Variants in SSH2 observed in about 807,000 individuals in gnomAD.
The protein encoded by SSH2 is slingshot protein phosphatase 2, also known as protein phosphatase Slingshot homolog 2.
SSH2 carries 37 observed loss-of-function variants against 135.2 expected under a neutral mutation model. The ratio of observed to expected loss-of-function variants is 0.27; its 90% CI spans 0.21 to 0.36. SSH2 has a LOEUF of 0.36. SSH2 is among the 10% of genes least tolerant of loss of function. The probability of loss-of-function intolerance (pLI) is 1.00; values close to 1 mark genes in which losing one functional copy is unlikely to be tolerated. For missense variants in SSH2, 1,408 were observed against 1,765.3 expected (o/e 0.80, Z 3.63); for synonymous variants, 628 against 646.2 (o/e 0.97, Z 0.43).
At chr17:29,801,671 CT>C (rs2042252489) in intron 2 of SSH2, among the ~76,000 whole-genome samples, 1 of 152,212 alleles carries the variant, frequency 6.6e-6, no homozygotes, top group Non-Finnish European at 1.5e-5. Flanking sequence ...CTTGTTTTAT[CT>C]CCCATCATCA....
At chr17:29,903,434 CTG>C (rs1226801917) in intron 1 of SSH2, among the ~76,000 whole-genome samples, 1 of 150,474 alleles carries the variant, frequency 6.6e-6, no homozygotes, top group Non-Finnish European at 1.5e-5. Context: ...TGCTTGGAAA[CTG>C]TGTTTAAGCC....
chr17:29,784,026 A>C (rs1242962302), intron 3 of SSH2, among the ~76,000 whole-genome samples: 2 of 112,080 alleles, frequency 1.8e-5, no homozygotes, highest in African/African-American at 7.0e-5. Context: ...AGATCCCGCC[A>C]CTGCACTCCA....
chr17:29,743,808 C>T (rs2040652419), intron 3 of SSH2, among the ~76,000 whole-genome samples: 1 of 151,038 alleles, frequency 6.6e-6, no homozygotes, highest in Non-Finnish European at 1.5e-5. Context: ...GTTAGAATCA[C>T]TAAATGTTAT....
At chr17:29,679,812 T>A in intron 6 of SSH2, among the ~76,000 whole-genome samples, 1 of 152,220 alleles carries the variant, frequency 6.6e-6, no homozygotes, top group East Asian at 1.9e-4. Context: ...GAAGATTAAA[T>A]AACAAATAAA....
At position 29,632,645 on chromosome 17, in the gene SSH2, C is replaced by T; in HGVS notation, c.2549G>A (p.Cys850Tyr). The T allele has an allele frequency of 1.9e-6, 3 of 1,614,178 alleles. No individual in the cohort carries two copies. The South Asian group carries it at 3.3e-5, about 18-fold the overall frequency. Reference sequence around the variant, plus strand: ...TGTGGTTAGGCAGCCTTCTGGGTTGCACATCCCTGAGTCTTTGGCTAGTTC... The same window carrying T: ...TGTGGTTAGGCAGCCTTCTGGGTTGTACATCCCTGAGTCTTTGGCTAGTTC... The part of the protein sequence containing the change: ...QPELAKDSGM[C>Y]NPEGCLTTHS... Residue 850 changes from cysteine to tyrosine, a missense_variant, in exon 16 of 16, where the codon TGC (cysteine) becomes TAC (tyrosine). Transcript: ENST00000540801.
intron 1 of SSH2, among the ~76,000 whole-genome samples, chr17:29,909,041 C>T (rs1435347304): frequency 6.6e-6 from 1 of 151,922 alleles, no homozygotes; most frequent in Non-Finnish European, 1.5e-5. Context: ...CGTGCCACTG[C>T]ACTCCAGCCT....
chr17:29,913,358 A>T (rs1429080412), intron 1 of SSH2, among the ~76,000 whole-genome samples: 11 of 80,250 alleles, frequency 1.4e-4, no homozygotes, highest in African/African-American at 3.5e-4. Flanking sequence ...ATATATATAT[A>T]TATATATATA....
intron 3 of SSH2, among the ~76,000 whole-genome samples, chr17:29,712,670 G>C (rs1227767292): frequency 6.6e-6 from 1 of 152,170 alleles, no homozygotes; most frequent in Non-Finnish European, 1.5e-5. Context: ...CGGGCATGGT[G>C]GCATGTGCCT....
chr17:29,705,217 A>G (rs1399206430), intron 3 of SSH2, among the ~76,000 whole-genome samples: 2 of 152,072 alleles, frequency 1.3e-5, no homozygotes, highest in Non-Finnish European at 2.9e-5. Flanking sequence ...TATCCCTATC[A>G]CCACTATCAC....
chr17:29,787,295 T>G (rs1359486744), intron 3 of SSH2, among the ~76,000 whole-genome samples: 4 of 152,246 alleles, frequency 2.6e-5, no homozygotes, highest in Non-Finnish European at 4.4e-5. Context: ...CGTTGTGGCA[T>G]GTCAGAACTT....
At chr17:29,861,012 T>C (rs1164925282) in intron 1 of SSH2, among the ~76,000 whole-genome samples, 2 of 152,164 alleles carry the variant, frequency 1.3e-5, no homozygotes, top group African/African-American at 4.8e-5. Context: ...CCCAAAGTAC[T>C]GGGATTACAG....
chr17:29,880,881 T>G (rs1228452137), intron 1 of SSH2, among the ~76,000 whole-genome samples: 2 of 152,212 alleles, frequency 1.3e-5, no homozygotes, highest in Admixed American at 6.5e-5. Context: ...ACAAAGCCAA[T>G]TAGGGCTAGA....
chr17:29,865,045 CT>C (rs1390539634), intron 1 of SSH2, among the ~76,000 whole-genome samples: 1 of 152,204 alleles, frequency 6.6e-6, no homozygotes, highest in Admixed American at 6.5e-5. Context: ...CATATCACTC[CT>C]ATGAAAACAG....
intron 3 of SSH2, among the ~76,000 whole-genome samples, chr17:29,722,516 A>G (rs897967527): frequency 2.6e-5 from 4 of 152,188 alleles, no homozygotes; most frequent in African/African-American, 9.6e-5. Flanking sequence ...CCAGGAGAAA[A>G]ACAGGGAAGT....
chr17:29,773,469 C>T (rs887511718), intron 3 of SSH2, among the ~76,000 whole-genome samples: 2 of 152,092 alleles, frequency 1.3e-5, no homozygotes, highest in African/African-American at 4.8e-5. Flanking sequence ...GAATAGATGG[C>T]AAACATTTTG....
chr17:29,698,652 C>T (rs1042466259), intron 4 of SSH2, among the ~76,000 whole-genome samples: 2 of 151,858 alleles, frequency 1.3e-5, no homozygotes, highest in Non-Finnish European at 2.9e-5. Context: ...TGCACCACAA[C>T]GCCTAGCTAA....
intron 3 of SSH2, among the ~76,000 whole-genome samples, chr17:29,761,983 C>T (rs957308937): frequency 2.0e-5 from 3 of 151,628 alleles, no homozygotes; most frequent in African/African-American, 7.3e-5. Context: ...CAGGTTCAAG[C>T]GATTCTCCAG....
At chr17:29,684,226 A>C (rs2038108151) in intron 6 of SSH2, among the ~76,000 whole-genome samples, 1 of 152,160 alleles carries the variant, frequency 6.6e-6, no homozygotes, top group Non-Finnish European at 1.5e-5. Flanking sequence ...TCACGCCTGT[A>C]ATCTCAGTAC....
intron 8 of SSH2, among the ~76,000 whole-genome samples, chr17:29,672,894 A>G (rs148372412): frequency 1.3e-5 from 2 of 152,040 alleles, no homozygotes; most frequent in Admixed American, 6.5e-5. Context: ...TTTAGTCGAG[A>G]CGGGTTTTTG....
Sources: allele counts gnomAD v4.1 joint callset (sites outside exome capture counted in the v4.1 genomes callset), GRCh38; gene constraint gnomAD v4.1.1; transcripts MANE v1.5; gene names NCBI Gene and HGNC (gene_info 2026-07-23, HGNC 2026-07-21).